SCFD2: variants seen among roughly 807,000 people sequenced by gnomAD.
SCFD2 encodes the protein sec1 family domain-containing protein 2.
SCFD2 carries 54 observed loss-of-function variants against 58.9 expected under a neutral mutation model. The ratio of observed to expected loss-of-function variants is 0.92; its 90% confidence interval spans 0.74 to 1.15. SCFD2 has a LOEUF of 1.15. Ranked by LOEUF, SCFD2 falls within the 50% of genes most tolerant of loss-of-function variation. SCFD2 has a pLI of 0.00. For missense variants in SCFD2, 805 were observed against 836.6 expected, an observed-to-expected ratio of 0.96 and a Z score of 0.47; for synonymous variants, 321 against 335.9, an observed-to-expected ratio of 0.96 and a Z score of 0.49.
intron 4 of SCFD2, among the ~76,000 whole-genome samples, chr4:53,220,341 T>C (rs1729011634): frequency 6.6e-6 from 1 of 152,246 alleles, no homozygotes; most frequent in Admixed American, 6.5e-5. Context: ...TGTATACATT[T>C]GTTGGTTTCT....
chr4:53,125,274 A>C (rs1284178206), intron 5 of SCFD2, among the ~76,000 whole-genome samples: 1 of 152,248 alleles, frequency 6.6e-6, no homozygotes, highest in Admixed American at 6.5e-5. Context: ...AAAATAACTT[A>C]TGATAGAGAT....
intron 4 of SCFD2, among the ~76,000 whole-genome samples, chr4:53,205,639 C>G (rs1560384257): frequency 6.6e-6 from 1 of 151,974 alleles, no homozygotes; most frequent in Non-Finnish European, 1.5e-5. Context: ...GTGGGCGGAT[C>G]ACGAGGTCAG....
chr4:53,341,065 A>G (rs982334567), intron 2 of SCFD2, among the ~76,000 whole-genome samples: 3 of 152,190 alleles, frequency 2.0e-5, no homozygotes, highest in African/African-American at 7.2e-5. Context: ...TTCACCTCCA[A>G]AGGAACACAG....
At chr4:53,116,359 G>C (rs555688350) in intron 5 of SCFD2, among the ~76,000 whole-genome samples, 4 of 152,126 alleles carry the variant, frequency 2.6e-5, no homozygotes, top group Non-Finnish European at 5.9e-5. Context: ...CTTGATACAT[G>C]CTTCAATGTT....
chr4:53,040,965 C>T (rs1433898299), intron 5 of SCFD2, among the ~76,000 whole-genome samples: 1 of 151,984 alleles, frequency 6.6e-6, no homozygotes, highest in Non-Finnish European at 1.5e-5. Context: ...TATTCATTTC[C>T]CTTATTTGGT....
At chr4:53,262,803 G>T (rs1730867154) in intron 4 of SCFD2, among the ~76,000 whole-genome samples, 1 of 152,218 alleles carries the variant, frequency 6.6e-6, no homozygotes, top group African/African-American at 2.4e-5. Flanking sequence ...TAGATCTGTA[G>T]CCAGGCTGGG....
At chr4:52,981,407 T>C (rs899689535) in intron 5 of SCFD2, among the ~76,000 whole-genome samples, 1 of 152,178 alleles carries the variant, frequency 6.6e-6, no homozygotes, top group Non-Finnish European at 1.5e-5. Context: ...CTGGTTAACA[T>C]GTATGTCTCA....
At chr4:52,907,303 A>G (rs1470578143) in intron 7 of SCFD2, among the ~76,000 whole-genome samples, 154 bp downstream of exon 7, 1 of 152,202 alleles carries the variant, frequency 6.6e-6, no homozygotes, top group Non-Finnish European at 1.5e-5. Flanking sequence ...GCTGCTTATA[A>G]TCAAAAGATA....
chr4:52,909,220 T>G (rs1374776255), intron 6 of SCFD2, among the ~76,000 whole-genome samples: 1 of 152,206 alleles, frequency 6.6e-6, no homozygotes, highest in Non-Finnish European at 1.5e-5. Context: ...TCTTTGCATA[T>G]GCTCATGTAT....
intron 4 of SCFD2, among the ~76,000 whole-genome samples, chr4:53,169,563 C>T (rs1220486380): frequency 1.3e-5 from 2 of 151,722 alleles, no homozygotes; most frequent in Non-Finnish European, 2.9e-5. Context: ...GGATATATAC[C>T]CAAAGTGGTA....
rs564700616 is a variant in SCFD2, at chr4:53,205,815, C to T, written c.1312-60233G>A. On this transcript the variant is annotated intron_variant, in intron 4 of 8. Transcript: ENST00000401642. ...AAGCGGAGCTTGCAGTGAGCCGAGA[C>T]TGAGCCACTGTACTCCAGCCTGGGC... 1.4e-4 allele frequency among the ~76,000 whole-genome samples: 21 copies of T among 151,258 alleles called. 1 individual carries two copies. Among genetic ancestry groups the T allele is most frequent in the African/African-American group, 4.4e-4 (18 of 41,120 alleles).
At chr4:52,919,192 A>G (rs1719676130) in intron 6 of SCFD2, among the ~76,000 whole-genome samples, 2 of 152,316 alleles carry the variant, frequency 1.3e-5, no homozygotes, top group African/African-American at 4.8e-5. Context: ...AAGTTGGCCA[A>G]ATCAGTCACC....
intron 5 of SCFD2, among the ~76,000 whole-genome samples, chr4:52,934,099 A>C (rs992595374): frequency 6.6e-6 from 1 of 152,242 alleles, no homozygotes; most frequent in Non-Finnish European, 1.5e-5. Flanking sequence ...TAGCAACACA[A>C]AGTGGACTAA....
intron 4 of SCFD2, among the ~76,000 whole-genome samples, chr4:53,177,744 C>G (rs1009514302): frequency 6.6e-6 from 1 of 152,194 alleles, no homozygotes; most frequent in African/African-American, 2.4e-5. Context: ...AGGGAATTCC[C>G]TTTCCTAGTC....
At chr4:53,311,755 C>A (rs1282296870) in intron 3 of SCFD2, among the ~76,000 whole-genome samples, 1 of 151,942 alleles carries the variant, frequency 6.6e-6, no homozygotes, top group Non-Finnish European at 1.5e-5. Context: ...CCTGCCTCAG[C>A]CTCCTGAGTA....
intron 5 of SCFD2, among the ~76,000 whole-genome samples, chr4:53,102,155 C>T (rs1254543850): frequency 4.6e-5 from 7 of 152,120 alleles, no homozygotes; most frequent in Non-Finnish European, 1.0e-4. Context: ...ACTCAAAATG[C>T]TGGGGCAGCA....
At chr4:53,145,908 G>T (rs1726316519) in intron 4 of SCFD2, among the ~76,000 whole-genome samples, 1 of 152,070 alleles carries the variant, frequency 6.6e-6, no homozygotes, top group African/African-American at 2.4e-5. Flanking sequence ...AAGAAAAATA[G>T]TATATTTGTA....
chr4:53,201,550 T>C (rs1728239621), intron 4 of SCFD2, among the ~76,000 whole-genome samples: 1 of 152,192 alleles, frequency 6.6e-6, no homozygotes, highest in Non-Finnish European at 1.5e-5. Context: ...AGTAATGGGA[T>C]GGCTGGGTCA....
chr4:53,298,693 C>A (rs1019818240), intron 3 of SCFD2, among the ~76,000 whole-genome samples: 1 of 152,184 alleles, frequency 6.6e-6, no homozygotes, highest in Non-Finnish European at 1.5e-5. Flanking sequence ...GGAGGCACCC[C>A]CCAGTAGCGG....
Sources: allele counts gnomAD v4.1 joint callset (sites outside exome capture counted in the v4.1 genomes callset), GRCh38; gene constraint gnomAD v4.1.1; transcripts MANE v1.5; gene names NCBI Gene and HGNC (gene_info 2026-07-23, HGNC 2026-07-21).